The following SPATA13 variants were observed in gnomAD, a reference collection of about 807,000 sequenced individuals.
The protein encoded by SPATA13 is spermatogenesis associated 13.
In SPATA13, 50 loss-of-function variants were observed where a neutral mutation model predicts 104.0. That is an observed-to-expected ratio of 0.48 (90% CI 0.38 to 0.61). The LOEUF (loss-of-function observed/expected upper bound fraction) is 0.61, where lower values mean the gene tolerates loss of function less well. SPATA13 is among the 20% of genes least tolerant of loss of function. SPATA13 has a pLI of 0.00. For synonymous variants in SPATA13, 606 were observed against 667.5 expected, an observed-to-expected ratio of 0.91 and a Z score of 1.42; for missense variants, 1,524 against 1,690.6, an observed-to-expected ratio of 0.90 and a Z score of 1.73.
intron 1 of SPATA13, among the ~76,000 whole-genome samples, chr13:24,219,872 C>T (rs1012612103): frequency 6.6e-6 from 1 of 152,164 alleles, no homozygotes; most frequent in African/African-American, 2.4e-5. Flanking sequence ...TGATACTGTT[C>T]TACTTACTGT....
chr13:24,065,381 G>C (rs9507234), intron 3 of SPATA13, among the ~76,000 whole-genome samples: 136,938 of 152,102 alleles, frequency 0.9, 62,244 homozygotes, highest in South Asian at 0.99. Flanking sequence ...CTGTGAGCCT[G>C]CTTATGTTCC....
intron 2 of SPATA13, among the ~76,000 whole-genome samples, chr13:24,227,171 C>T (rs9578695): frequency 0.27 from 41,431 of 152,024 alleles, 6,058 homozygotes; most frequent in East Asian, 0.5. Context: ...ACCCTACCTG[C>T]GCCACTCGTA....
chr13:24,132,034 G>C (rs9318334), intron 3 of SPATA13, among the ~76,000 whole-genome samples: 87,679 of 151,880 alleles, frequency 0.58, 25,569 homozygotes, highest in African/African-American at 0.63. Flanking sequence ...GCGCTTGAGT[G>C]ACAGACTGAG....
At chr13:24,287,911 A>T (rs998458002) in intron 7 of SPATA13, among the ~76,000 whole-genome samples, 3 of 152,170 alleles carry the variant, frequency 2.0e-5, no homozygotes, top group Admixed American at 6.5e-5. Context: ...TGATATCTGC[A>T]CTATCAGTTC....
At chr13:24,187,999 G>T (rs913842677) in intron 1 of SPATA13, among the ~76,000 whole-genome samples, 5 of 152,162 alleles carry the variant, frequency 3.3e-5, no homozygotes, top group Admixed American at 2.6e-4. Flanking sequence ...GTGCCACATG[G>T]TTAGCTAAGT....
chr13:24,126,576 G>A (rs536434715), intron 3 of SPATA13, among the ~76,000 whole-genome samples: 16 of 152,252 alleles, frequency 1.1e-4, no homozygotes. Context: ...CCAGGGCGCA[G>A]GACAGAGACA....
At chr13:24,077,064 C>T (rs575311219) in intron 3 of SPATA13, among the ~76,000 whole-genome samples, 41 of 152,084 alleles carry the variant, frequency 2.7e-4, no homozygotes, top group African/African-American at 8.7e-4. Flanking sequence ...TGTTAAAATA[C>T]GATCTCTGGT....
chr13:24,149,679 C>T (rs1185362706), intron 3 of SPATA13, among the ~76,000 whole-genome samples: 2 of 152,218 alleles, frequency 1.3e-5, no homozygotes, highest in African/African-American at 4.8e-5. Context: ...CTGGAAATGG[C>T]TGATGGGGGC....
chr13:24,259,626 CT>C lies in SPATA13; in HGVS notation c.2164+7765del, dbSNP rs1873962845. On this transcript the variant is annotated intron_variant, in intron 4 of 12. Transcript: ENST00000382108. ...TATTTATGTATTTATTTACTTTTCTCTATTTAGGGATTAGTATTGGTTGTAA... is the reference window on the plus strand; with the variant it reads ...TATTTATGTATTTATTTACTTTTCTCATTTAGGGATTAGTATTGGTTGTAA... Among the ~76,000 whole-genome samples, 4 of 152,186 alleles carry C rather than the reference CT, an allele frequency of 2.6e-5. No individual in the cohort carries two copies. The South Asian group carries it at 8.3e-4, about 32-fold the overall frequency.
intron 1 of SPATA13, among the ~76,000 whole-genome samples, chr13:24,163,894 A>G (rs1281408956): frequency 6.6e-6 from 1 of 152,204 alleles, no homozygotes; most frequent in African/African-American, 2.4e-5. Context: ...GGAAGGTTTC[A>G]CTTAGAAGGG....
chr13:24,166,653 T>G (rs1177240242), intron 1 of SPATA13, among the ~76,000 whole-genome samples: 1 of 152,140 alleles, frequency 6.6e-6, no homozygotes, highest in South Asian at 2.1e-4. Flanking sequence ...TATAAATTAG[T>G]TCTGTGAGTG....
chr13:24,200,923 A>C (rs907268419), intron 1 of SPATA13, among the ~76,000 whole-genome samples: 5 of 152,158 alleles, frequency 3.3e-5, no homozygotes, highest in Non-Finnish European at 7.4e-5. Context: ...TGATATTGAC[A>C]GAATGTGTCT....
intron 1 of SPATA13, among the ~76,000 whole-genome samples, chr13:24,209,246 C>T (rs914757601): frequency 4.6e-5 from 7 of 152,140 alleles, no homozygotes; most frequent in Admixed American, 1.3e-4. Flanking sequence ...GTGCTATCCC[C>T]GTTTCTCTAT....
rs546486225 is a variant in SPATA13, at chr13:24,150,429, G to C, written c.-111-72390G>C. Among the ~76,000 whole-genome samples the C allele has an allele frequency of 3.3e-5, 5 of 152,342 alleles. No individual in the cohort carries two copies. The South Asian group carries it at 8.3e-4, about 25-fold the overall frequency. On this transcript the variant is annotated intron_variant, in intron 3 of 14. Transcript: ENST00000424834. Reference sequence around the variant, plus strand: ...GACTGGCATGGGTGCCCTCTGGGGAGACCTGGTTCAGGCAGGACCTCCTTT... The same window carrying C: ...GACTGGCATGGGTGCCCTCTGGGGACACCTGGTTCAGGCAGGACCTCCTTT...
intron 4 of SPATA13, among the ~76,000 whole-genome samples, chr13:24,267,304 G>T (rs1874342895): frequency 6.6e-6 from 1 of 152,082 alleles, no homozygotes; most frequent in African/African-American, 2.4e-5. Flanking sequence ...GGGGTTGTTG[G>T]GTCACATCCT....
At chr13:24,149,091 G>C (rs748890864) in intron 3 of SPATA13, among the ~76,000 whole-genome samples, 9 of 152,190 alleles carry the variant, frequency 5.9e-5, no homozygotes, top group Non-Finnish European at 8.8e-5. Context: ...GGGCAAAAGG[G>C]GGGCAGGAAG....
intron 3 of SPATA13, among the ~76,000 whole-genome samples, chr13:24,153,186 T>C (rs1461526950): frequency 6.6e-6 from 1 of 152,232 alleles, no homozygotes; most frequent in Non-Finnish European, 1.5e-5. Context: ...ACACATTAGC[T>C]GCCTGGCAAA....
chr13:24,009,131 T>C (rs1230429817), intron 2 of SPATA13, among the ~76,000 whole-genome samples: 1 of 152,202 alleles, frequency 6.6e-6, no homozygotes, highest in African/African-American at 2.4e-5. Flanking sequence ...GCCAGCCTGC[T>C]ATCCCCACCT....
At chr13:24,175,154 C>T in intron 1 of SPATA13, among the ~76,000 whole-genome samples, 1 of 152,146 alleles carries the variant, frequency 6.6e-6, no homozygotes, top group African/African-American at 2.4e-5. Context: ...CTGTAGCTCT[C>T]TAATCCTTTT....
Sources: allele counts gnomAD v4.1 joint callset (sites outside exome capture counted in the v4.1 genomes callset), GRCh38; gene constraint gnomAD v4.1.1; transcripts MANE v1.5; gene names NCBI Gene and HGNC (gene_info 2026-07-23, HGNC 2026-07-21).